The following TRDMT1 variants were observed in gnomAD, a reference collection of about 807,000 sequenced individuals.
TRDMT1 encodes tRNA (cytosine(38)-C(5))-methyltransferase.
Under a neutral mutation model 51.2 loss-of-function variants are expected in TRDMT1, and 49 were observed. The ratio of observed to expected loss-of-function variants is 0.96; its 90% CI spans 0.76 to 1.21. The LOEUF (loss-of-function observed/expected upper bound fraction) is 1.21, where lower values mean the gene tolerates loss of function less well. Among genes scored for constraint, TRDMT1 ranks in the 50% most tolerant of loss-of-function variants. The pLI is 0.00. For missense variants in TRDMT1, 534 were observed against 462.3 expected, an observed-to-expected ratio of 1.16 and a Z score of -1.42; for synonymous variants, 187 against 164.6, an observed-to-expected ratio of 1.14 and a Z score of -1.04.
intron 2 of TRDMT1, among the ~76,000 whole-genome samples, chr10:17,170,543 A>T (rs1003890216): frequency 6.6e-6 from 1 of 152,224 alleles, no homozygotes; most frequent in Non-Finnish European, 1.5e-5. Flanking sequence ...ATTTTCTCAG[A>T]AAGTTTTCTG....
chr10:17,154,587 A>G (rs1839238156), intron 9 of TRDMT1, 90 bp downstream of exon 9: 1 of 848,070 alleles, frequency 1.2e-6, no homozygotes, highest in Non-Finnish European at 1.7e-6. Flanking sequence ...TGGCCAGTTG[A>G]ATGCATAAAA....
intron 7 of TRDMT1, 36 bp downstream of exon 7, chr10:17,159,110 G>T: frequency 7.6e-7 from 1 of 1,310,688 alleles, no homozygotes; most frequent in Non-Finnish European, 1.1e-6. Context: ...TAATAAATAA[G>T]CCATAATATT....
chr10:17,150,893 C>T (rs1027981327), intron 10 of TRDMT1: 24 of 985,146 alleles, frequency 2.4e-5, no homozygotes, highest in Non-Finnish European at 2.9e-5. Context: ...TACAAACAGG[C>T]TTTTAGACTA....
chr10:17,177,305 G>A (rs1051250859), intron 1 of TRDMT1, among the ~76,000 whole-genome samples: 1 of 151,782 alleles, frequency 6.6e-6, no homozygotes, highest in African/African-American at 2.4e-5. Flanking sequence ...CAAGCAATTT[G>A]ATTCTCCTGC....
intron 1 of TRDMT1, among the ~76,000 whole-genome samples, chr10:17,183,575 G>A (rs146508767): frequency 9.9e-5 from 15 of 151,888 alleles, no homozygotes; most frequent in African/African-American, 3.4e-4. Flanking sequence ...GTGCCACCAC[G>A]CCCGGCTAAT....
chr10:17,148,029 T>C lies in TRDMT1; in HGVS notation c.*1011A>G. On this transcript the variant is annotated 3_prime_UTR_variant, in exon 11 of 11. Coordinates refer to ENST00000377799, the MANE Select transcript of TRDMT1 (RefSeq NM_004412.7). ...TTGTAATATGATTTCTGGACTTGTT[T>C]CTTTTCATCTCTCTTCTCTTTGTCA... 1.0e-6 allele frequency: 1 copy of C among 985,276 alleles called. No homozygotes were observed. The highest frequency in any genetic ancestry group is 1.2e-6 in the Non-Finnish European group (1 of 829,750). The allele number at this position is 985,276 out of a possible 1,614,324, so 61.0% of individuals were successfully genotyped here.
rs772799080 is a variant in TRDMT1, at chr10:17,162,205, C to T, written c.284G>A (p.Arg95Lys). ...IGRQGDMTDSRTNSFLHILDI... is the reference protein window; with the variant it reads ...IGRQGDMTDSKTNSFLHILDI... The stretch of plus-strand genomic sequence containing the variant: ...TAGAATATGTAAGAAGCTATTCGTC[C>T]TTGAATCAGTCATATCACCCTGCCG... Residue 95 changes from arginine to lysine, a missense_variant, in exon 4 of 11, where the codon AGG (arginine) becomes AAG (lysine). Physicochemically the swap from Arg to Lys is conservative, Grantham distance 26 (BLOSUM62 2). Transcript: ENST00000377799. 29 of 1,607,326 alleles carry T rather than the reference C, an allele frequency of 1.8e-5. No individual in the cohort carries two copies. The highest frequency in any genetic ancestry group is 2.2e-5 in the Non-Finnish European group (26 of 1,177,046).
intron 3 of TRDMT1, among the ~76,000 whole-genome samples, chr10:17,165,994 C>A (rs1385524200): frequency 6.6e-6 from 1 of 152,204 alleles, no homozygotes; most frequent in East Asian, 1.9e-4. Flanking sequence ...CTAGAAATAC[C>A]ATTTGACCCT....
In TRDMT1 at chr10:17,180,778, C is replaced by T. The variant is rs563590190; in HGVS notation, c.65-6118G>A. 2.0e-5 allele frequency among the ~76,000 whole-genome samples: 3 copies of T among 152,142 alleles called. No individual in the cohort carries two copies. In the East Asian group the frequency reaches 5.8e-4, roughly 29 times the overall value. On this transcript the variant is annotated intron_variant, in intron 1 of 10. Transcript: ENST00000377799. ...TGTCCCTCTTCCCATTTCAAACTAC[C>T]TAGCAAAATGCTAAACTGAACACTA...
chr10:17,188,236 G>A (rs1307773188), intron 1 of TRDMT1, among the ~76,000 whole-genome samples: 1 of 151,880 alleles, frequency 6.6e-6, no homozygotes, highest in Non-Finnish European at 1.5e-5. Flanking sequence ...GTAATCTTTA[G>A]GATCTGTTAT....
intron 1 of TRDMT1, among the ~76,000 whole-genome samples, chr10:17,189,598 T>C (rs996307016): frequency 4.6e-5 from 7 of 152,024 alleles, no homozygotes; most frequent in African/African-American, 1.4e-4. Flanking sequence ...CAAAAATAAA[T>C]TGAGAACACA....
intron 1 of TRDMT1, 78 bp from the exon 2 acceptor site, chr10:17,174,738 A>C: frequency 9.1e-7 from 1 of 1,097,546 alleles, no homozygotes; most frequent in Non-Finnish European, 1.4e-6. Flanking sequence ...AGCAGAATTT[A>C]GTAATCCATT....
chr10:17,197,898 G>C (rs1324412417), intron 1 of TRDMT1, among the ~76,000 whole-genome samples: 1 of 152,092 alleles, frequency 6.6e-6, no homozygotes, highest in Non-Finnish European at 1.5e-5. Flanking sequence ...GCCAGGCATG[G>C]TGGCAGGGAC....
chr10:17,140,037 CTTTT>C lies in TRDMT1; in HGVS notation c.*8999_*9002del, dbSNP rs758336473. Among the ~76,000 whole-genome samples the C allele has an allele frequency of 6.2e-3, 136 of 21,884 alleles. 1 individual carries two copies. Among genetic ancestry groups the C allele is most frequent in the African/African-American group, 0.024 (127 of 5,322 alleles). 14.4% of individuals were successfully genotyped at this position (21,884 alleles called of 152,430 possible). ...TATTCTTCCAGTAACATCTAGTGTG[CTTTT>C]TTTTTTTTTTTTTTTTTTTTTTGAG... On this transcript the variant is annotated 3_prime_UTR_variant, in exon 11 of 11. Coordinates refer to ENST00000377799, the MANE Select transcript of TRDMT1 (RefSeq NM_004412.7).
At chr10:17,184,893 A>G (rs1843691021) in intron 1 of TRDMT1, among the ~76,000 whole-genome samples, 1 of 152,146 alleles carries the variant, frequency 6.6e-6, no homozygotes, top group African/African-American at 2.4e-5. Flanking sequence ...GTGTGTGTTC[A>G]TACGTCCTGA....
At position 17,159,248 on chromosome 10, in the gene TRDMT1, A is replaced by G. The variant is rs17140049; in HGVS notation, c.460-19T>C. On this transcript the variant is annotated intron_variant, in intron 6 of 10. Coordinates refer to ENST00000377799, the MANE Select transcript of TRDMT1 (RefSeq NM_004412.7). ...TGCCAAGCTGTAAGCAAAGCAAAGC[A>G]GTTAGTTACTCTAAAAAATTAAAGA... is the stretch of plus-strand genomic sequence containing the variant. The G allele has an allele frequency of 0.15, 227,105 of 1,561,484 alleles. 17,269 individuals carry two copies. The highest frequency in any genetic ancestry group is 0.19 in the Admixed American group (9,701 of 50,718).
In TRDMT1 at chr10:17,141,652, G is replaced by C. The variant is rs75778767; in HGVS notation, c.*7388C>G. ...CAGCCTATCTTTGCCCTATCATTTA[G>C]ATCAGGTAAATTCTACTGATCCGTC... On this transcript the variant is annotated 3_prime_UTR_variant, in exon 11 of 11. Transcript: ENST00000377799. Among the ~76,000 whole-genome samples, 21 of 152,184 alleles carry C rather than the reference G, an allele frequency of 1.4e-4. No homozygotes were observed. The highest frequency in any genetic ancestry group is 4.8e-4 in the African/African-American group (20 of 41,520).
At chr10:17,168,768 C>A (rs1341905307) in intron 3 of TRDMT1, 73 bp downstream of exon 3, 4 of 1,070,736 alleles carry the variant, frequency 3.7e-6, no homozygotes, top group Non-Finnish European at 5.5e-6. Context: ...TGTAAATTGC[C>A]CAGTCTCAGG....
chr10:17,146,404 C>T lies in TRDMT1; in HGVS notation c.*2636G>A, dbSNP rs1588687350. The T allele has an allele frequency of 9.1e-6, 9 of 985,418 alleles. No homozygotes were observed. The highest frequency in any genetic ancestry group is 1.1e-5 in the Non-Finnish European group (9 of 829,924). 61.0% of individuals were successfully genotyped at this position (985,418 alleles called of 1,614,324 possible). A position where few individuals can be genotyped will look rare whatever the true frequency, so the allele number is the denominator to read the frequency against. ...TGATGCCATCATTCCTCTTTCTTGC[C>T]TGCCACTGAGGATTGTCAGGCTCTG... On this transcript the variant is annotated 3_prime_UTR_variant, in exon 11 of 11. Coordinates refer to ENST00000377799, the MANE Select transcript of TRDMT1 (RefSeq NM_004412.7).
Sources: allele counts gnomAD v4.1 joint callset (sites outside exome capture counted in the v4.1 genomes callset), GRCh38; gene constraint gnomAD v4.1.1; transcripts MANE v1.5; gene names NCBI Gene and HGNC (gene_info 2026-07-23, HGNC 2026-07-21).